The following HLF variants were observed in gnomAD, a reference collection of about 807,000 sequenced individuals.
HLF encodes the protein hepatic leukemia factor.
A neutral mutation model predicts 22.6 loss-of-function variants in HLF; 3 were observed. That is an observed-to-expected ratio of 0.13 (90% CI 0.06 to 0.34). The LOEUF is 0.34. HLF is among the 10% of genes least tolerant of loss of function. HLF has a pLI of 1.00. For synonymous variants in HLF, 151 were observed against 151.8 expected (o/e 0.99, Z 0.04); for missense variants, 299 against 389.2 (o/e 0.77, Z 1.95).
At chr17:55,266,745 T>A in intron 1 of HLF, 1 of 786,354 alleles carries the variant, frequency 1.3e-6, no homozygotes, top group Non-Finnish European at 1.5e-6. Flanking sequence ...TCTCTGAAGA[T>A]GAAACTCAGA....
chr17:55,289,582 A>T (rs1409771645), intron 2 of HLF, among the ~76,000 whole-genome samples: 3 of 152,214 alleles, frequency 2.0e-5, no homozygotes, highest in Non-Finnish European at 4.4e-5. Context: ...AATTATTCCT[A>T]TGACAAGGCA....
At chr17:55,282,496 T>G (rs992802033) in intron 2 of HLF, among the ~76,000 whole-genome samples, 1 of 152,228 alleles carries the variant, frequency 6.6e-6, no homozygotes, top group Non-Finnish European at 1.5e-5. Flanking sequence ...TCCATTATTA[T>G]TTCCATTGGC....
chr17:55,312,507 C>G (rs533409982), intron 2 of HLF, among the ~76,000 whole-genome samples: 72 of 152,182 alleles, frequency 4.7e-4, no homozygotes, highest in Non-Finnish European at 7.6e-4. Context: ...TCCTCTTGAC[C>G]CTTTAAAAAG....
At chr17:55,279,145 A>T (rs2080931435) in intron 2 of HLF, among the ~76,000 whole-genome samples, 1 of 152,224 alleles carries the variant, frequency 6.6e-6, no homozygotes, top group African/African-American at 2.4e-5. Context: ...TAAATGATTT[A>T]AAAATAATAT....
chr17:55,301,769 G>T (rs980892321), intron 2 of HLF, among the ~76,000 whole-genome samples: 2 of 152,232 alleles, frequency 1.3e-5, no homozygotes, highest in Admixed American at 6.5e-5. Context: ...ACTCTAGGAA[G>T]AGTAATCTGG....
chr17:55,315,672 A>G (rs1463713484), intron 3 of HLF, among the ~76,000 whole-genome samples: 5 of 152,210 alleles, frequency 3.3e-5, no homozygotes, highest in Non-Finnish European at 5.9e-5. Context: ...GAGAAGCAGT[A>G]AAATGTTGGA....
Position 55,320,787 on chromosome 17 carries a change from G to T in HLF, c.796G>T (p.Ala266Ser). 1 of 1,613,952 alleles carries T rather than the reference G, an allele frequency of 6.2e-7. No individual in the cohort carries two copies. Among genetic ancestry groups the T allele is most frequent in the South Asian group, 1.1e-5 (1 of 91,050 alleles). ...CTCGTTCCTGGAGAAGGAGAACTCGGCCCTCCGCCAGGAGGTGGCTGACTT... is the reference window on the plus strand; with the variant it reads ...CTCGTTCCTGGAGAAGGAGAACTCGTCCCTCCGCCAGGAGGTGGCTGACTT... ...RASFLEKENS[A>S]LRQEVADLRK... Residue 266 changes from alanine to serine, a missense_variant, in exon 4 of 4, where the codon GCC becomes TCC. Physicochemically the swap from Ala to Ser is moderately conservative, Grantham distance 99 (BLOSUM62 1). Around this residue, in one of 3 missense-constraint regions of HLF, gnomAD observed 224 missense variants for 298.1 expected, o/e 0.75. Coordinates refer to ENST00000226067, the MANE Select transcript of HLF (RefSeq NM_002126.5). The surrounding 1 kb of genome is among the most constrained non-coding windows in gnomAD (Gnocchi z 4.2).
chr17:55,319,022 G>C (rs895310759), intron 3 of HLF: 3 of 152,386 alleles, frequency 2.0e-5, no homozygotes, highest in African/African-American at 7.2e-5. Context: ...TCTTCAAAGA[G>C]CAGCCTCCTC....
intron 2 of HLF, chr17:55,273,665 A>G (rs1394761404): frequency 7.9e-5 from 12 of 151,398 alleles, no homozygotes; most frequent in Admixed American, 7.9e-4. Flanking sequence ...AGCCCTGGCA[A>G]CCCTGGCTGC....
intron 2 of HLF, among the ~76,000 whole-genome samples, chr17:55,286,299 C>A (rs140954806): frequency 6.6e-6 from 1 of 152,000 alleles, no homozygotes; most frequent in Non-Finnish European, 1.5e-5. Flanking sequence ...CTCCCCCCAC[C>A]CTTGTACTTT....
At chr17:55,268,590 A>AT (rs35119852) in intron 2 of HLF, among the ~76,000 whole-genome samples, 8,714 of 151,544 alleles carry the variant, frequency 0.058, 298 homozygotes, top group South Asian at 0.086. Flanking sequence ...TGGGGCAGGT[A>AT]TTTTTTTTTC....
At chr17:55,288,466 T>C (rs1042988042) in intron 2 of HLF, among the ~76,000 whole-genome samples, 4 of 152,058 alleles carry the variant, frequency 2.6e-5, no homozygotes, top group African/African-American at 4.8e-5. Flanking sequence ...TGTTTTCTGA[T>C]TGGTAAACAT....
chr17:55,268,891 G>T (rs1379522751), intron 2 of HLF, among the ~76,000 whole-genome samples: 1 of 152,182 alleles, frequency 6.6e-6, no homozygotes. Context: ...CTAATGCTCA[G>T]ATATAAACAC....
At chr17:55,277,700 T>C (rs926291150) in intron 2 of HLF, among the ~76,000 whole-genome samples, 1 of 152,098 alleles carries the variant, frequency 6.6e-6, no homozygotes, top group Non-Finnish European at 1.5e-5. Flanking sequence ...TGCTCTGATA[T>C]CAAGCCAAGA....
At chr17:55,278,134 AATGAGAC>A (rs1449197456) in intron 2 of HLF, among the ~76,000 whole-genome samples, 1 of 152,186 alleles carries the variant, frequency 6.6e-6, no homozygotes, top group Non-Finnish European at 1.5e-5. Flanking sequence ...GAGGTCTTAT[AATGAGAC>A]ATGGCTTGTG....
At chr17:55,274,183 C>T (rs2080884458) in intron 2 of HLF, among the ~76,000 whole-genome samples, 1 of 152,074 alleles carries the variant, frequency 6.6e-6, no homozygotes, top group African/African-American at 2.4e-5. Context: ...GGAAGACAGC[C>T]GTGATTTATT....
chr17:55,306,285 GT>G (rs1391325723), intron 2 of HLF, among the ~76,000 whole-genome samples: 1 of 152,164 alleles, frequency 6.6e-6, no homozygotes, highest in Non-Finnish European at 1.5e-5. Context: ...CCTACAGGAC[GT>G]CATTGCATTC....
At chr17:55,281,440 G>C (rs901894703) in intron 2 of HLF, among the ~76,000 whole-genome samples, 1 of 152,164 alleles carries the variant, frequency 6.6e-6, no homozygotes, top group Non-Finnish European at 1.5e-5. Context: ...TTAAACCCGG[G>C]AGGCGGAGAT....
At chr17:55,319,412 G>A (rs927645073) in intron 3 of HLF, among the ~76,000 whole-genome samples, 3 of 152,234 alleles carry the variant, frequency 2.0e-5, no homozygotes, top group African/African-American at 7.2e-5. Context: ...TGCTAGGACT[G>A]AGGGATTTGC....
Sources: gnomAD v4.1 joint callset for allele counts (sites outside exome capture counted in the v4.1 genomes callset) on GRCh38, gnomAD v4.1.1 for gene constraint, gnomAD v4.1.1 regional missense constraint, Gnocchi (gnomAD v3.1) non-coding constraint, MANE v1.5 for transcripts, NCBI Gene and HGNC (gene_info 2026-07-23, HGNC 2026-07-21) for gene names.